Variants in TENM2 observed in about 807,000 individuals in gnomAD.
The protein encoded by TENM2 is teneurin transmembrane protein 2.
A neutral mutation model predicts 245.2 loss-of-function variants in TENM2; 52 were observed. The observed-to-expected ratio is 0.21, with a 90% CI of 0.17 to 0.27. The LOEUF is 0.27. Among genes scored for constraint, TENM2 ranks in the 10% least tolerant of loss-of-function variants. TENM2 has a pLI of 1.00. For synonymous variants in TENM2, 1,363 were observed against 1,438.9 expected (o/e 0.95, Z 1.19); for missense variants, 3,046 against 3,666.8 (o/e 0.83, Z 4.37).
chr5:168,118,300 C>T, exon 10 of TENM2: 1 of 1,584,368 alleles, frequency 6.3e-7, no homozygotes, highest in Non-Finnish European at 8.6e-7. Context: ...AGCTGCCTGC[C>T]CTGTCCTGTG....
the TENM2 span, among the ~76,000 whole-genome samples, chr5:167,122,200 C>A: frequency 2.6e-5 from 4 of 151,996 alleles, no homozygotes; most frequent in Admixed American, 6.5e-5. Flanking sequence ...ATTTTTGAGA[C>A]CTAAGGTCCC....
chr5:167,326,621 C>G (rs988295932), intron 1 of TENM2, among the ~76,000 whole-genome samples: 3 of 150,908 alleles, frequency 2.0e-5, no homozygotes, highest in African/African-American at 4.9e-5. Flanking sequence ...TGCAGTGAGC[C>G]GAGTTCATGC....
At chr5:167,235,449 A>G in the TENM2 span, among the ~76,000 whole-genome samples, 5 of 152,204 alleles carry the variant, frequency 3.3e-5, no homozygotes, top group Non-Finnish European at 7.3e-5. Flanking sequence ...TTAAATGGAA[A>G]CAACAGAAAA....
At chr5:167,046,795 A>G in the TENM2 span, among the ~76,000 whole-genome samples, 1 of 152,084 alleles carries the variant, frequency 6.6e-6, no homozygotes, top group Admixed American at 6.6e-5. Context: ...CCATCAACCC[A>G]TCATCTAGGT....
intron 12 of TENM2, among the ~76,000 whole-genome samples, chr5:168,131,418 T>A (rs6555784): frequency 0.85 from 130,169 of 152,282 alleles, 55,960 homozygotes; most frequent in East Asian, 0.98. Context: ...CACAAGTCAG[T>A]ACAGTTTTCT....
intron 1 of TENM2, among the ~76,000 whole-genome samples, chr5:167,370,341 CAAAAAAAAAAAAAA>C (rs35067759): frequency 0.02 from 1,500 of 73,532 alleles, 37 homozygotes; most frequent in African/African-American, 0.061. Context: ...GACTCCGTCT[CAAAAAAAAAAAAAA>C]AAAAAAAAAA....
intron 25 of TENM2, chr5:168,230,797 C>T (rs905276418): frequency 6.6e-6 from 1 of 152,208 alleles, no homozygotes; most frequent in African/African-American, 2.4e-5. Flanking sequence ...GTGGCACCGA[C>T]TAGCTAACGG....
At position 168,066,013 on chromosome 5, in the gene TENM2, G is replaced by A. The variant is rs79888062; in HGVS notation, c.1515+3748G>A. ...TTGCTACTAGTACCTAGTGGATAGA[G>A]GCCAAGGATGCTGCTAAACACCCTG... On this transcript the variant is annotated intron_variant, in intron 7 of 28. Coordinates refer to ENST00000518659, the Ensembl canonical transcript of TENM2. 4.2e-3 allele frequency among the ~76,000 whole-genome samples: 642 copies of A among 152,252 alleles called. 4 individuals carry two copies. Among genetic ancestry groups the A allele is most frequent in the African/African-American group, 0.015 (619 of 41,566 alleles).
intron 2 of TENM2, among the ~76,000 whole-genome samples, chr5:167,399,801 A>G (rs1762264107): frequency 6.6e-6 from 1 of 152,194 alleles, no homozygotes; most frequent in Non-Finnish European, 1.5e-5. Flanking sequence ...CATTTTACAT[A>G]GTATGCCATG....
At chr5:167,632,831 C>T (rs556884106) in intron 2 of TENM2, among the ~76,000 whole-genome samples, 2 of 152,286 alleles carry the variant, frequency 1.3e-5, no homozygotes, top group African/African-American at 4.8e-5. Flanking sequence ...CTCGATCACA[C>T]TGCCAAAAAT....
the TENM2 span, among the ~76,000 whole-genome samples, chr5:167,013,776 G>A: frequency 6.6e-6 from 1 of 152,302 alleles, no homozygotes; most frequent in African/African-American, 2.4e-5. Context: ...AAGGAAAGGG[G>A]TAGGTTTGAC....
At chr5:167,773,856 G>A (rs1316808276) in intron 2 of TENM2, among the ~76,000 whole-genome samples, 4 of 151,926 alleles carry the variant, frequency 2.6e-5, no homozygotes, top group East Asian at 1.9e-4. Context: ...ATGTTGTGGC[G>A]GCCATATTTT....
intron 2 of TENM2, among the ~76,000 whole-genome samples, chr5:167,399,406 A>T (rs1762246648): frequency 6.6e-6 from 1 of 152,210 alleles, no homozygotes; most frequent in Non-Finnish European, 1.5e-5. Context: ...CTACAGCAGA[A>T]CGCTGCAGCA....
chr5:168,157,898 GGTT>G (rs1314019798), intron 12 of TENM2, among the ~76,000 whole-genome samples: 1 of 152,066 alleles, frequency 6.6e-6, no homozygotes, highest in Non-Finnish European at 1.5e-5. Context: ...TAAGGGTGTG[GGTT>G]GTTGTTTGTT....
chr5:167,719,561 G>A (rs948660686), intron 2 of TENM2, among the ~76,000 whole-genome samples: 1 of 152,198 alleles, frequency 6.6e-6, no homozygotes, highest in African/African-American at 2.4e-5. Flanking sequence ...AGAATGACAG[G>A]CAATTAATAG....
intron 1 of TENM2, among the ~76,000 whole-genome samples, chr5:167,315,726 A>G (rs756190638): frequency 6.6e-6 from 1 of 152,132 alleles, no homozygotes; most frequent in Non-Finnish European, 1.5e-5. Flanking sequence ...TGAAGGAGAA[A>G]CAGGGAAAGA....
chr5:168,187,285 GA>G (rs1235657045), intron 13 of TENM2: 1 of 152,292 alleles, frequency 6.6e-6, no homozygotes, highest in African/African-American at 2.4e-5. Context: ...AGCCCGGAAA[GA>G]GTGACAGGCT....
the TENM2 span, among the ~76,000 whole-genome samples, chr5:167,071,311 A>G: frequency 3.9e-5 from 6 of 152,206 alleles, no homozygotes; most frequent in Admixed American, 1.3e-4. Flanking sequence ...TGCACAAGTG[A>G]GTAAACAGAC....
At chr5:168,013,188 G>C (rs954296342) in intron 5 of TENM2, among the ~76,000 whole-genome samples, 2 of 152,078 alleles carry the variant, frequency 1.3e-5, no homozygotes, top group Admixed American at 1.3e-4. Flanking sequence ...TCTATCCCTT[G>C]TTTCAAAAGA....
Sources: allele counts gnomAD v4.1 joint callset (sites outside exome capture counted in the v4.1 genomes callset), GRCh38; gene constraint gnomAD v4.1.1; transcripts MANE v1.5; gene names NCBI Gene and HGNC (gene_info 2026-07-23, HGNC 2026-07-21).